Variants in ZNF346 observed in about 807,000 individuals in gnomAD.
The protein encoded by ZNF346 is double-stranded RNA-binding zinc finger protein JAZ.
Under a neutral mutation model 33.7 loss-of-function variants are expected in ZNF346, and 23 were observed. The observed-to-expected ratio is 0.68, with a 90% CI of 0.49 to 0.97. The LOEUF is 0.97. Ranked by LOEUF, ZNF346 falls within the 50% of genes least tolerant of loss-of-function variation. The probability of loss-of-function intolerance (pLI) is 0.00; values close to 1 mark genes in which losing one functional copy is unlikely to be tolerated. For missense variants in ZNF346, 340 were observed against 371.1 expected, an observed-to-expected ratio of 0.92 and a Z score of 0.69; for synonymous variants, 134 against 142.4, an observed-to-expected ratio of 0.94 and a Z score of 0.42.
chr5:177,023,978 C>T (rs1776304338), intron 1 of ZNF346, among the ~76,000 whole-genome samples: 2 of 149,542 alleles, frequency 1.3e-5, no homozygotes, highest in African/African-American at 2.5e-5. Context: ...TAGCCTGTCT[C>T]CTAAGTTTAT....
intron 8 of ZNF346, among the ~76,000 whole-genome samples, chr5:177,078,048 G>A (rs1485563840): frequency 6.6e-6 from 1 of 152,164 alleles, no homozygotes; most frequent in African/African-American, 2.4e-5. Flanking sequence ...TCGGGTGGCT[G>A]AGGCAGGAAA....
At chr5:177,078,392 C>T (rs1783851762) in intron 8 of ZNF346, among the ~76,000 whole-genome samples, 1 of 152,182 alleles carries the variant, frequency 6.6e-6, no homozygotes, top group African/African-American at 2.4e-5. Flanking sequence ...GAGACTGGAG[C>T]TGGGACAGCA....
In ZNF346 at chr5:177,044,551, T is replaced by G. The variant is rs778877193; in HGVS notation, c.517+18T>G. ...GGTGGAAGGTACTGGTTTTCCTGAGTAGTGCTATAGTGGGACCCCTGCCGT... is the reference window on the plus strand; with the variant it reads ...GGTGGAAGGTACTGGTTTTCCTGAGGAGTGCTATAGTGGGACCCCTGCCGT... On this transcript the variant is annotated intron_variant, in intron 4 of 6. Coordinates refer to ENST00000358149, the MANE Select transcript of ZNF346 (RefSeq NM_012279.4). The G allele has an allele frequency of 1.5e-5, 24 of 1,612,438 alleles. No homozygotes were observed. The highest frequency in any genetic ancestry group is 2.0e-5 in the Non-Finnish European group (24 of 1,179,662).
At chr5:177,068,080 A>G (rs957664463), downstream of ZNF346, among the ~76,000 whole-genome samples, 1 of 145,380 alleles carries the variant, frequency 6.9e-6, no homozygotes, top group Non-Finnish European at 1.5e-5. Flanking sequence ...CTTCCTCTGG[A>G]ACCCTTTATG....
chr5:177,075,732 G>C (rs1783718069), intron 8 of ZNF346, among the ~76,000 whole-genome samples: 1 of 151,898 alleles, frequency 6.6e-6, no homozygotes, highest in South Asian at 2.1e-4. Flanking sequence ...TGTCGCCCAG[G>C]CTAGAGTGCA....
chr5:177,026,470 C>T (rs1374429197), intron 1 of ZNF346, among the ~76,000 whole-genome samples: 1 of 151,438 alleles, frequency 6.6e-6, no homozygotes, highest in Non-Finnish European at 1.5e-5. Flanking sequence ...AGTGATTCTC[C>T]CGCCTCAGCC....
intron 5 of ZNF346, among the ~76,000 whole-genome samples, chr5:177,053,317 C>CAAAAAA (rs754883910): frequency 1.1e-5 from 1 of 87,364 alleles, no homozygotes; most frequent in African/African-American, 4.2e-5. Flanking sequence ...GACTTCATCT[C>CAAAAAA]AAAAAAAAAA....
chr5:177,041,878 A>G lies in ZNF346; in HGVS notation c.372+8A>G, dbSNP rs764274572. On this transcript the variant is annotated splice_region_variant and intron_variant, in intron 3 of 6. Coordinates refer to ENST00000358149, the MANE Select transcript of ZNF346 (RefSeq NM_012279.4). ...AAGCTAGACTCAGATCAGGTAATAC[A>G]GCTGCCATATTGAGCCCACTTGCTT... The G allele has an allele frequency of 7.0e-5, 111 of 1,593,704 alleles. No individual in the cohort carries two copies. Among genetic ancestry groups the G allele is most frequent in the Non-Finnish European group, 9.2e-5 (107 of 1,163,186 alleles).
intron 8 of ZNF346, among the ~76,000 whole-genome samples, chr5:177,073,473 A>G (rs571524155): frequency 2.0e-5 from 3 of 151,936 alleles, no homozygotes; most frequent in Non-Finnish European, 4.4e-5. Flanking sequence ...CCAGCTAATT[A>G]TCTTATTTTT....
intron 8 of ZNF346, among the ~76,000 whole-genome samples, chr5:177,073,742 C>T (rs1783609925): frequency 6.6e-6 from 1 of 151,304 alleles, no homozygotes; most frequent in Non-Finnish European, 1.5e-5. Context: ...CAATAATGGC[C>T]TCCCATGAAT....
At chr5:177,026,520 C>T (rs1437508140) in intron 1 of ZNF346, among the ~76,000 whole-genome samples, 8 of 151,688 alleles carry the variant, frequency 5.3e-5, no homozygotes, top group South Asian at 2.1e-4. Flanking sequence ...CTACCACACC[C>T]AGCTAATTTT....
intron 4 of ZNF346, among the ~76,000 whole-genome samples, chr5:177,047,233 G>C (rs1284814934): frequency 6.6e-6 from 1 of 151,876 alleles, no homozygotes; most frequent in Non-Finnish European, 1.5e-5. Context: ...GTTTTTATTA[G>C]AGACGGGGTT....
intron 2 of ZNF346, 22 bp downstream of exon 2, chr5:177,041,251 A>G (rs1180053084): frequency 2.5e-6 from 4 of 1,592,570 alleles, no homozygotes; most frequent in Non-Finnish European, 3.4e-6. Context: ...TACTTTTAGA[A>G]CTGCGTTTCT....
intron 1 of ZNF346, among the ~76,000 whole-genome samples, chr5:177,024,044 GGT>G (rs1216789640): frequency 1.4e-5 from 2 of 147,192 alleles, no homozygotes; most frequent in Admixed American, 6.8e-5. Context: ...CCCCAGAAAT[GGT>G]GTGTGTGTAT....
chr5:177,053,317 C>CATCTCA (rs1554151120), intron 5 of ZNF346, among the ~76,000 whole-genome samples: 17 of 87,366 alleles, frequency 1.9e-4, no homozygotes, highest in African/African-American at 6.4e-4. Flanking sequence ...GACTTCATCT[C>CATCTCA]AAAAAAAAAA....
chr5:177,076,131 T>C (rs1049190608), intron 8 of ZNF346, among the ~76,000 whole-genome samples: 11 of 152,230 alleles, frequency 7.2e-5, no homozygotes, highest in African/African-American at 2.7e-4. Context: ...CACTTTTAAC[T>C]AATAGAATAA....
chr5:177,057,643 C>T (rs1025816975), intron 5 of ZNF346, among the ~76,000 whole-genome samples: 1 of 151,126 alleles, frequency 6.6e-6, no homozygotes, highest in African/African-American at 2.4e-5. Context: ...GATGCTGAGG[C>T]AGGAGAATCG....
At chr5:177,057,537 C>T (rs906184418) in intron 5 of ZNF346, among the ~76,000 whole-genome samples, 1 of 151,832 alleles carries the variant, frequency 6.6e-6, no homozygotes, top group Admixed American at 6.6e-5. Flanking sequence ...AGGAGTTCAA[C>T]ACCAGCCTGG....
intron 1 of ZNF346, among the ~76,000 whole-genome samples, chr5:177,035,261 C>A (rs1778314689): frequency 6.6e-6 from 1 of 152,184 alleles, no homozygotes; most frequent in Non-Finnish European, 1.5e-5. Flanking sequence ...AAGCAATCTA[C>A]CTGCCTTGGC....
Sources: allele counts gnomAD v4.1 joint callset (sites outside exome capture counted in the v4.1 genomes callset), GRCh38; gene constraint gnomAD v4.1.1; transcripts MANE v1.5; gene names NCBI Gene and HGNC (gene_info 2026-07-23, HGNC 2026-07-21).